Variants in IREB2 observed in about 807,000 individuals in gnomAD.
IREB2 encodes the protein iron responsive element binding protein 2, also known as iron-responsive element-binding protein 2.
IREB2 carries 39 observed loss-of-function variants against 118.8 expected under a neutral mutation model. The observed-to-expected ratio is 0.33, with a 90% confidence interval of 0.25 to 0.43. The LOEUF (loss-of-function observed/expected upper bound fraction) is 0.43, where lower values mean the gene tolerates loss of function less well. Among genes scored for constraint, IREB2 ranks in the 20% least tolerant of loss-of-function variants. The probability of loss-of-function intolerance (pLI) is 1.00; values close to 1 mark genes in which losing one functional copy is unlikely to be tolerated. For missense variants in IREB2, 900 were observed against 1,147.3 expected (o/e 0.78, Z 3.11); for synonymous variants, 372 against 392.2 (o/e 0.95, Z 0.61).
At position 78,498,667 on chromosome 15, in the gene IREB2, G is replaced by T. The variant is rs2051884375; in HGVS notation, c.*524G>T. On this transcript the variant is annotated 3_prime_UTR_variant, in exon 22 of 22. Transcript: ENST00000258886. ...TGGACACATTTGGCATTCTTAGTTT[G>T]TCATATAACCAGGTTTATCCTTAGT... is the stretch of plus-strand genomic sequence containing the variant. 1 of 153,012 alleles carries T rather than the reference G, an allele frequency of 6.5e-6. No homozygotes were observed. The highest frequency in any genetic ancestry group is 2.4e-5 in the African/African-American group (1 of 41,548). 9.5% of individuals were successfully genotyped at this position (153,012 alleles called of 1,614,324 possible). A position where few individuals can be genotyped will look rare whatever the true frequency, so the allele number is the denominator to read the frequency against.
rs576807493 is a variant in IREB2, at chr15:78,498,271, T to G, written c.*128T>G. ...CACTTATCTCATCCATGGATGTAAATGATGATGAATCAACATAGTAACTGA... is the reference window on the plus strand; with the variant it reads ...CACTTATCTCATCCATGGATGTAAAGGATGATGAATCAACATAGTAACTGA... On this transcript the variant is annotated 3_prime_UTR_variant, in exon 22 of 22. Transcript: ENST00000258886. 2.6e-4 allele frequency: 144 copies of G among 554,534 alleles called. 1 individual carries two copies. The South Asian group carries it at 3.6e-3, about 14-fold the overall frequency. The allele number at this position is 554,534 out of a possible 1,614,324, so 34.4% of individuals were successfully genotyped here. A position where few individuals can be genotyped will look rare whatever the true frequency, so the allele number is the denominator to read the frequency against.
At position 78,439,850 on chromosome 15, in the gene IREB2, C is replaced by G; in HGVS notation, c.75C>G (p.Phe25Leu). ...TAAATGACAGTTCACATAAGAAGTT[C>G]TTCGATGTATCTAAACTTGGCACCA... Reference protein sequence around the residue: ...ETLNDSSHKKFFDVSKLGTKY... With the variant: ...ETLNDSSHKKLFDVSKLGTKY... Residue 25 changes from phenylalanine to leucine, a missense_variant, in exon 2 of 22, where the codon TTC (phenylalanine) becomes TTG (leucine). Coordinates refer to ENST00000258886, the MANE Select transcript of IREB2 (RefSeq NM_004136.4). 6.2e-7 allele frequency: 1 copy of G among 1,601,600 alleles called. No homozygotes were observed. Among genetic ancestry groups the G allele is most frequent in the Non-Finnish European group, 8.5e-7 (1 of 1,173,250 alleles).
chr15:78,462,869 T>C, intron 2 of IREB2, 53 bp from the exon 3 acceptor site: 1 of 1,333,154 alleles, frequency 7.5e-7, no homozygotes, highest in Non-Finnish European at 1.0e-6. Flanking sequence ...ATTTTAAAAA[T>C]AATATATAGG....
At chr15:78,461,633 A>G (rs1047476143) in intron 2 of IREB2, among the ~76,000 whole-genome samples, 4 of 152,196 alleles carry the variant, frequency 2.6e-5, no homozygotes, top group African/African-American at 9.7e-5. Flanking sequence ...TGTAACTCAC[A>G]GGCACAGAAG....
At chr15:78,442,004 T>A (rs2050852024) in intron 2 of IREB2, among the ~76,000 whole-genome samples, 1 of 152,076 alleles carries the variant, frequency 6.6e-6, no homozygotes, top group African/African-American at 2.4e-5. Flanking sequence ...CCTCCTGAGT[T>A]CAAGCGATTC....
At chr15:78,481,470 C>T (rs1204409411) in intron 10 of IREB2, among the ~76,000 whole-genome samples, 2 of 152,002 alleles carry the variant, frequency 1.3e-5, no homozygotes, top group African/African-American at 4.8e-5. Flanking sequence ...ATTCTCCTGC[C>T]TCAGCCTCCC....
intron 13 of IREB2, 111 bp downstream of exon 13, chr15:78,485,951 T>G: frequency 1.1e-6 from 1 of 910,558 alleles, no homozygotes; most frequent in East Asian, 2.6e-5. Context: ...ATGCTTTAGT[T>G]TTACTTGCTA....
In IREB2 at chr15:78,490,538, T is replaced by C; in HGVS notation, c.2181+12T>C. 1 of 1,603,392 alleles carries C rather than the reference T, an allele frequency of 6.2e-7. No homozygotes were observed. Among genetic ancestry groups the C allele is most frequent in the Non-Finnish European group, 8.5e-7 (1 of 1,174,588 alleles). On this transcript the variant is annotated intron_variant, in intron 17 of 21. Coordinates refer to ENST00000258886, the MANE Select transcript of IREB2 (RefSeq NM_004136.4). ...TTTTTGATAAACTTGTAAGTACTGT[T>C]TTACTATTTGATCTTTTAAAGATTG... is the stretch of plus-strand genomic sequence containing the variant.
intron 20 of IREB2, 104 bp from the exon 21 acceptor site, chr15:78,497,020 CTA>C (rs772912802): frequency 1.4e-5 from 10 of 738,120 alleles, no homozygotes; most frequent in African/African-American, 7.1e-5. Flanking sequence ...AGATATTAGA[CTA>C]AAAGTATTTA....
chr15:78,441,738 C>T (rs1054773167), intron 2 of IREB2, among the ~76,000 whole-genome samples: 1 of 152,126 alleles, frequency 6.6e-6, no homozygotes, highest in Non-Finnish European at 1.5e-5. Flanking sequence ...GGAATTTGTA[C>T]ATAACTGTAC....
At chr15:78,488,107 T>G in intron 14 of IREB2, 73 bp from the exon 15 acceptor site, 4 of 1,406,630 alleles carry the variant, frequency 2.8e-6, no homozygotes, top group Non-Finnish European at 3.9e-6. Flanking sequence ...TAAGATTGCT[T>G]ATATATGATT....
chr15:78,494,940 G>C (rs1033456761), intron 20 of IREB2, among the ~76,000 whole-genome samples: 2 of 152,172 alleles, frequency 1.3e-5, no homozygotes, highest in Non-Finnish European at 2.9e-5. Context: ...GTGGGTAAAA[G>C]ACTCAGAAGT....
chr15:78,463,125 G>C (rs1430232769), intron 3 of IREB2, 38 bp downstream of exon 3: 2 of 1,511,380 alleles, frequency 1.3e-6, no homozygotes, highest in Admixed American at 4.1e-5. Context: ...TGAACTCTTA[G>C]AGTGTGTTTC....
At position 78,463,040 on chromosome 15, in the gene IREB2, T is replaced by C; in HGVS notation, c.225T>C (p.Asn75=). ...TAGACTGGAAAACCAAACAAAGCAA[T>C]GTTGAAGTGCCCTTTTTCCCTGCCC... ...NILDWKTKQS[N]VEVPFFPARV... Residue 75 remains asparagine, a synonymous_variant, in exon 3 of 22, where the codon AAT becomes AAC. Coordinates refer to ENST00000258886, the MANE Select transcript of IREB2 (RefSeq NM_004136.4). 1 of 1,610,748 alleles carries C rather than the reference T, an allele frequency of 6.2e-7. No individual in the cohort carries two copies. Among genetic ancestry groups the C allele is most frequent in the Non-Finnish European group, 8.5e-7 (1 of 1,179,224 alleles).
chr15:78,439,462 C>G (rs1462976169), intron 1 of IREB2, among the ~76,000 whole-genome samples: 2 of 152,086 alleles, frequency 1.3e-5, no homozygotes, highest in Non-Finnish European at 2.9e-5. Flanking sequence ...TCCAGGTATT[C>G]TTATCACATT....
At chr15:78,487,967 T>C (rs2141518737) in intron 14 of IREB2, 150 bp downstream of exon 14, 1 of 677,192 alleles carries the variant, frequency 1.5e-6, no homozygotes, top group East Asian at 2.8e-5. Context: ...AATGATTCAA[T>C]GAATCATTTG....
At chr15:78,486,087 T>G (rs1265558293) in intron 13 of IREB2, among the ~76,000 whole-genome samples, 1 of 152,174 alleles carries the variant, frequency 6.6e-6, no homozygotes, top group Non-Finnish European at 1.5e-5. Context: ...TTCAAGATAC[T>G]TAGTTGGGAA....
Position 78,473,268 on chromosome 15 carries a change from G to A in IREB2, c.910G>A (p.Val304Ile). The change falls in exon 8 of 22, where the codon GTT (valine) becomes ATT (isoleucine). Residue 304 changes from valine (V) to isoleucine (I), a missense_variant. Transcript: ENST00000258886. ...WGVGGIETEA[V>I]MLGLPVSLTL... ...GGTTGGAGGCATTGAAACAGAAGCAGTTATGCTTGGTCTGCCAGTTTCTCT... is the reference window on the plus strand; with the variant it reads ...GGTTGGAGGCATTGAAACAGAAGCAATTATGCTTGGTCTGCCAGTTTCTCT... 6.2e-7 allele frequency: 1 copy of A among 1,614,004 alleles called. No individual in the cohort carries two copies. The highest frequency in any genetic ancestry group is 1.7e-5 in the Admixed American group (1 of 60,026).
At chr15:78,440,035 A>G (rs919608638) in intron 2 of IREB2, among the ~76,000 whole-genome samples, 154 bp downstream of exon 2, 1 of 152,232 alleles carries the variant, frequency 6.6e-6, no homozygotes, top group African/African-American at 2.4e-5. Flanking sequence ...TCCTCCTGGG[A>G]CAACTTCTGT....
Sources: allele counts gnomAD v4.1 joint callset (sites outside exome capture counted in the v4.1 genomes callset), GRCh38; gene constraint gnomAD v4.1.1; transcripts MANE v1.5; gene names NCBI Gene and HGNC (gene_info 2026-07-23, HGNC 2026-07-21).